Variants in TDRP observed in about 807,000 individuals in gnomAD.
TDRP encodes the protein testis development-related protein.
TDRP carries 12 observed loss-of-function variants against 10.5 expected under a neutral mutation model. The observed-to-expected ratio is 1.15, with a 90% CI of 0.73 to 1.86. The LOEUF (loss-of-function observed/expected upper bound fraction) is 1.86, where lower values mean the gene tolerates loss of function less well. Among genes scored for constraint, TDRP ranks in the 40% most tolerant of loss-of-function variants. The pLI, the probability that TDRP is intolerant of heterozygous loss-of-function variation, is 0.00. For missense variants in TDRP, 353 were observed against 229.2 expected (o/e 1.54, Z -3.49); for synonymous variants, 139 against 95.4 (o/e 1.46, Z -2.67).
chr8:492,448 C>G lies in TDRP; in HGVS notation c.509G>C (p.Arg170Pro). 1 of 1,595,194 alleles carries G rather than the reference C, an allele frequency of 6.3e-7. No homozygotes were observed. Among genetic ancestry groups the G allele is most frequent in the Non-Finnish European group, 8.6e-7 (1 of 1,167,066 alleles). Residue 170 changes from arginine (R) to proline (P), a missense_variant, in exon 3 of 3, where the codon CGA becomes CCA. Coordinates refer to ENST00000324079, the MANE Select transcript of TDRP (RefSeq NM_001384899.1). ...TGTCAGGTGGCCTTTACTCTGCCGT[C>G]GGATGCTCACCAGCCTCCCTGCCGC... ...LRAAGRLVSI[R>P]RQSKGHLTDS...
chr8:543,937 A>AGGGGGGGGGGGGGGGGGGGGG (rs1186683495), intron 1 of TDRP, among the ~76,000 whole-genome samples: 1 of 18,646 alleles, frequency 5.4e-5, no homozygotes, highest in African/African-American at 2.0e-4. Context: ...AGGGGGGGGG[A>AGGGGGGGGGGGGGGGGGGGGG]GGGGGTGGGG....
At position 544,651 on chromosome 8, in the gene TDRP, T is replaced by G. The variant is rs1224439986; in HGVS notation, c.107A>C (p.Gln36Pro). The part of the protein sequence containing the change: ...PPAAAAAAQA[Q>P]VQGASFRGWK... ...CTCCCCACCTGCGCACCCCCTCACC[T>G]GCGCCTGGGCGGCGGCGGCGGCGGC... The change falls in exon 1 of 3, where the codon CAG becomes CCG. Residue 36 changes from glutamine (Q) to proline (P), a missense_variant and splice_region_variant. By Grantham distance (76) the Gln-to-Pro change is moderately conservative (BLOSUM62 -1). Transcript: ENST00000324079. 2 of 1,225,420 alleles carry G rather than the reference T, an allele frequency of 1.6e-6. No homozygotes were observed. Among genetic ancestry groups the G allele is most frequent in the African/African-American group, 1.6e-5 (1 of 63,480 alleles). The allele number at this position is 1,225,420 out of a possible 1,614,324, so 75.9% of individuals were successfully genotyped here.
intron 1 of TDRP, among the ~76,000 whole-genome samples, chr8:501,315 T>A (rs917957712): frequency 6.6e-6 from 1 of 152,062 alleles, no homozygotes; most frequent in Admixed American, 6.5e-5. Context: ...AATTTTAGTA[T>A]TTCATTATAA....
chr8:510,148 G>A (rs143222527), intron 1 of TDRP, among the ~76,000 whole-genome samples: 2 of 152,208 alleles, frequency 1.3e-5, no homozygotes, highest in African/African-American at 4.8e-5. Context: ...TCAGCATCCA[G>A]AGTTGTGACT....
chr8:520,572 G>A (rs1446233413), intron 1 of TDRP, among the ~76,000 whole-genome samples: 3 of 152,152 alleles, frequency 2.0e-5, no homozygotes, highest in African/African-American at 4.8e-5. Context: ...ACAGTGCACA[G>A]GTGTTCCAAT....
chr8:512,745 T>C (rs560901953), intron 1 of TDRP, among the ~76,000 whole-genome samples: 1 of 152,172 alleles, frequency 6.6e-6, no homozygotes, highest in South Asian at 2.1e-4. Flanking sequence ...TAGGCAAAGG[T>C]GGGCAGATCA....
intron 1 of TDRP, among the ~76,000 whole-genome samples, chr8:521,683 T>C (rs772175286): frequency 6.6e-6 from 1 of 152,172 alleles, no homozygotes; most frequent in Non-Finnish European, 1.5e-5. Flanking sequence ...CCAGTTTTTG[T>C]TTTTGTTTTT....
At chr8:544,025 C>G (rs916963027) in intron 1 of TDRP, among the ~76,000 whole-genome samples, 3 of 152,160 alleles carry the variant, frequency 2.0e-5, no homozygotes, top group Non-Finnish European at 2.9e-5. Flanking sequence ...AAACATATCT[C>G]TACACTCGTC....
At chr8:518,916 A>C (rs920901944) in intron 1 of TDRP, among the ~76,000 whole-genome samples, 8 of 152,196 alleles carry the variant, frequency 5.3e-5, no homozygotes, top group African/African-American at 1.9e-4. Context: ...AGAGTTCCTG[A>C]AAGTATTGGA....
rs534792489 is a variant in TDRP at position 544,718 on chromosome 8, G to A, written c.40C>T (p.Pro14Ser). ...CGCAGGCCGTCCTCCTCCTCGGGGG[G>A]CTCGTCCAGCAGCACTCGGCCCCGG... ...LGRGRVLLDE[P>S]PEEEDGLRGG... Residue 14 changes from proline to serine, a missense_variant, in exon 1 of 3, where the codon CCC becomes TCC. Transcript: ENST00000324079. 1.8e-5 allele frequency: 22 copies of A among 1,244,462 alleles called. No homozygotes were observed. In the Admixed American group the frequency reaches 3.3e-4, roughly 19 times the overall value. The allele number at this position is 1,244,462 out of a possible 1,614,324, so 77.1% of individuals were successfully genotyped here.
chr8:544,814 C>T lies in TDRP; in HGVS notation c.-57G>A. The T allele has an allele frequency of 1.7e-6, 2 of 1,174,804 alleles. No individual in the cohort carries two copies. The highest frequency in any genetic ancestry group is 1.1e-6 in the Non-Finnish European group (1 of 937,736). 72.8% of individuals were successfully genotyped at this position (1,174,804 alleles called of 1,614,324 possible). On this transcript the variant is annotated 5_prime_UTR_variant, in exon 1 of 3. Coordinates refer to ENST00000324079, the MANE Select transcript of TDRP (RefSeq NM_001384899.1). ...TGCGTCGGGCTGTGGCTCCGCGTCC[C>T]TCCCGGCCGCCGGACGCTCTGCCTG... is the stretch of plus-strand genomic sequence containing the variant.
chr8:516,804 A>C (rs1584869037), intron 1 of TDRP, among the ~76,000 whole-genome samples: 1 of 152,200 alleles, frequency 6.6e-6, no homozygotes, highest in East Asian at 1.9e-4. Context: ...AAAAAAACTT[A>C]CATATGGATG....
rs565842443 is a variant in TDRP, at chr8:501,492, G to C, written c.109-6895C>G. ...CTCCTGAGTAGCTGGAATTACAGGC[G>C]ATGGCCACCACACCCAGCTAATTTT... is the stretch of plus-strand genomic sequence containing the variant. On this transcript the variant is annotated intron_variant, in intron 1 of 2. Transcript: ENST00000324079. Among the ~76,000 whole-genome samples the C allele has an allele frequency of 5.7e-4, 86 of 151,766 alleles. 1 individual carries two copies. Among genetic ancestry groups the C allele is most frequent in the Admixed American group, 2.4e-3 (37 of 15,264 alleles).
chr8:533,518 T>G (rs1313561911), intron 1 of TDRP, among the ~76,000 whole-genome samples: 1 of 152,204 alleles, frequency 6.6e-6, no homozygotes, highest in Non-Finnish European at 1.5e-5. Flanking sequence ...CATCTGAAAC[T>G]CAGGTTCTCA....
At position 494,502 on chromosome 8, in the gene TDRP, C is replaced by A. The variant is rs1801075038; in HGVS notation, c.204G>T (p.Lys68Asn). 2 of 1,613,704 alleles carry A rather than the reference C, an allele frequency of 1.2e-6. No individual in the cohort carries two copies. Among genetic ancestry groups the A allele is most frequent in the African/African-American group, 1.3e-5 (1 of 74,924 alleles). ...ACACAGTTATGACTTACCCTTTGGACTTGGGAGATTTACATCTTTCCAGGA... is the reference window on the plus strand; with the variant it reads ...ACACAGTTATGACTTACCCTTTGGAATTGGGAGATTTACATCTTTCCAGGA... ...QHLLERCKSP[K>N]SKGTNLRLKE... The change falls in exon 2 of 3, where the codon AAG becomes AAT. Residue 68 changes from lysine (K) to asparagine (N), a missense_variant. By Grantham distance (94) the Lys-to-Asn change is moderately conservative. Transcript: ENST00000324079.
At chr8:508,245 G>A (rs1028769466) in intron 1 of TDRP, among the ~76,000 whole-genome samples, 3 of 152,076 alleles carry the variant, frequency 2.0e-5, no homozygotes, top group Non-Finnish European at 2.9e-5. Flanking sequence ...TCACTAGAGG[G>A]GTTTTACAGT....
At chr8:496,324 T>G (rs1022124408) in intron 1 of TDRP, among the ~76,000 whole-genome samples, 2 of 152,060 alleles carry the variant, frequency 1.3e-5, no homozygotes, top group African/African-American at 4.8e-5. Flanking sequence ...TATCAAGAAG[T>G]CTCAATTAAG....
At chr8:533,159 T>C (rs1802253119) in intron 1 of TDRP, among the ~76,000 whole-genome samples, 1 of 152,128 alleles carries the variant, frequency 6.6e-6, no homozygotes, top group Admixed American at 6.5e-5. Flanking sequence ...AAATTATGAG[T>C]TCTGAAGTGG....
rs545324457 is a variant in TDRP, at chr8:501,010, T to A, written c.109-6413A>T. On this transcript the variant is annotated intron_variant, in intron 1 of 2. Transcript: ENST00000324079. ...TCACAAGGTCAGGAGATCGAGACCATCCTGGCTAACACGGTGAAACCCCGT... is the reference window on the plus strand; with the variant it reads ...TCACAAGGTCAGGAGATCGAGACCAACCTGGCTAACACGGTGAAACCCCGT... 1.6e-3 allele frequency among the ~76,000 whole-genome samples: 244 copies of A among 152,148 alleles called. 1 individual carries two copies. The highest frequency in any genetic ancestry group is 5.7e-3 in the African/African-American group (238 of 41,524).
Sources: allele counts gnomAD v4.1 joint callset (sites outside exome capture counted in the v4.1 genomes callset), GRCh38; gene constraint gnomAD v4.1.1; transcripts MANE v1.5; gene names NCBI Gene and HGNC (gene_info 2026-07-23, HGNC 2026-07-21).